Variants in COL28A1 observed in about 807,000 individuals in gnomAD.
COL28A1 encodes the protein collagen type XXVIII alpha 1 chain, also known as collagen alpha-1(XXVIII) chain.
Under a neutral mutation model 150.2 loss-of-function variants are expected in COL28A1, and 161 were observed. The observed-to-expected ratio is 1.07, with a 90% CI of 0.94 to 1.22. The LOEUF (loss-of-function observed/expected upper bound fraction) is 1.22, where lower values mean the gene tolerates loss of function less well. COL28A1 is among the 50% of genes most tolerant of loss of function. The pLI, the probability that COL28A1 is intolerant of heterozygous loss-of-function variation, is 0.00. For synonymous variants in COL28A1, 552 were observed against 469.7 expected, an observed-to-expected ratio of 1.18 and a Z score of -2.26; for missense variants, 1,617 against 1,388.3, an observed-to-expected ratio of 1.16 and a Z score of -2.62.
chr7:7,494,998 T>C (rs551999577), intron 11 of COL28A1, among the ~76,000 whole-genome samples: 2 of 152,216 alleles, frequency 1.3e-5, no homozygotes, highest in African/African-American at 4.8e-5. Flanking sequence ...CAGCAGCCCG[T>C]GAGCCCAACA....
chr7:7,477,696 G>A (rs764559687), intron 13 of COL28A1, among the ~76,000 whole-genome samples: 5 of 152,170 alleles, frequency 3.3e-5, no homozygotes, highest in Non-Finnish European at 5.9e-5. Flanking sequence ...AGCTCATATA[G>A]GCAGTGTGGA....
Position 7,373,506 on chromosome 7 carries a change from C to T in COL28A1, c.2400G>A (p.Val800=), listed in dbSNP as rs781492200. The T allele has an allele frequency of 1.9e-6, 3 of 1,613,822 alleles. No homozygotes were observed. In the South Asian group the frequency reaches 3.3e-5, roughly 18 times the overall value. The part of the protein sequence containing the change: ...PKCKETPLEL[V]FVIDSSESVG... ...CGCTTTCTGAGCTGTCGATCACAAA[C>T]ACCAGCTCTAGTGGAGTCTCTTTGC... Residue 800 remains valine (V), a synonymous_variant, in exon 32 of 35, where the codon GTG becomes GTA. Transcript: ENST00000399429. This position sits in a 1 kb window ranked among gnomAD's most constrained non-coding sequence, Gnocchi z 4.1.
chr7:7,391,855 C>A (rs1050849383), intron 27 of COL28A1, among the ~76,000 whole-genome samples: 1 of 137,258 alleles, frequency 7.3e-6, no homozygotes, highest in Non-Finnish European at 1.5e-5. Flanking sequence ...CCCTCCACCT[C>A]TTTATTTTGA....
chr7:7,524,410 C>T (rs1781909128), intron 3 of COL28A1, among the ~76,000 whole-genome samples, 161 bp from the exon 4 acceptor site: 1 of 152,124 alleles, frequency 6.6e-6, no homozygotes, highest in Non-Finnish European at 1.5e-5. Flanking sequence ...AGCCAACCAC[C>T]CAAGGAGCAG....
At chr7:7,375,710 T>C (rs1781503629) in intron 30 of COL28A1, among the ~76,000 whole-genome samples, 1 of 152,190 alleles carries the variant, frequency 6.6e-6, no homozygotes, top group South Asian at 2.1e-4. Context: ...GCTGAGACTT[T>C]TGGAATTCAA....
At chr7:7,342,064 G>A in the COL28A1 span, among the ~76,000 whole-genome samples, 3 of 152,088 alleles carry the variant, frequency 2.0e-5, no homozygotes, top group Admixed American at 6.5e-5. Context: ...TTTTGGCTCC[G>A]CCTATTTCTC....
At chr7:7,395,727 A>ATG (rs1427205203) in intron 27 of COL28A1, among the ~76,000 whole-genome samples, 1 of 152,254 alleles carries the variant, frequency 6.6e-6, no homozygotes, top group East Asian at 1.9e-4. Flanking sequence ...TCATGCAACC[A>ATG]TATCAAAAGT....
chr7:7,407,672 C>T (rs546415354), intron 27 of COL28A1, among the ~76,000 whole-genome samples: 22 of 151,388 alleles, frequency 1.5e-4, no homozygotes, highest in African/African-American at 5.3e-4. Context: ...AGACTTTTAC[C>T]AAAAAAAATT....
At chr7:7,362,887 G>T (rs1469365200) in intron 33 of COL28A1, among the ~76,000 whole-genome samples, 1 of 151,818 alleles carries the variant, frequency 6.6e-6, no homozygotes, top group Non-Finnish European at 1.5e-5. Context: ...ATAGAGATAG[G>T]GTCTCGCTGT....
chr7:7,414,339 A>C (rs746154368), intron 27 of COL28A1, among the ~76,000 whole-genome samples: 1 of 152,216 alleles, frequency 6.6e-6, no homozygotes, highest in Non-Finnish European at 1.5e-5. Flanking sequence ...CATGAACCTG[A>C]AAGTCCAAGG....
chr7:7,474,061 T>C (rs1160509229), intron 15 of COL28A1, among the ~76,000 whole-genome samples: 2 of 141,824 alleles, frequency 1.4e-5, no homozygotes, highest in Non-Finnish European at 3.0e-5. Flanking sequence ...ATACTCTATA[T>C]ATATATGGAA....
rs530441021 is a variant in COL28A1 at position 7,386,008 on chromosome 7, T to C, written c.2137-4396A>G. Among the ~76,000 whole-genome samples, 18 of 152,318 alleles carry C rather than the reference T, an allele frequency of 1.2e-4. No individual in the cohort carries two copies. The East Asian group carries it at 2.1e-3, about 18-fold the overall frequency. On this transcript the variant is annotated intron_variant, in intron 27 of 34. Coordinates refer to ENST00000399429, the MANE Select transcript of COL28A1 (RefSeq NM_001037763.3). Reference sequence around the variant, plus strand: ...GGAAAATGATAAACAATGATTTGAGTGTGGGTCAGAAACAACTGCAGGAAA... The same window carrying C: ...GGAAAATGATAAACAATGATTTGAGCGTGGGTCAGAAACAACTGCAGGAAA...
chr7:7,403,258 G>T (rs1231170066), intron 27 of COL28A1, among the ~76,000 whole-genome samples: 1 of 152,128 alleles, frequency 6.6e-6, no homozygotes, highest in African/African-American at 2.4e-5. Context: ...ACGGGGAAGT[G>T]AAAGACTTTC....
chr7:7,522,619 A>G (rs1781787322), intron 4 of COL28A1, among the ~76,000 whole-genome samples: 1 of 152,090 alleles, frequency 6.6e-6, no homozygotes, highest in South Asian at 2.1e-4. Flanking sequence ...ATGCTTCATC[A>G]CCAATGGTTT....
chr7:7,452,475 A>C, intron 17 of COL28A1, 88 bp from the exon 18 acceptor site: 1 of 1,480,724 alleles, frequency 6.8e-7, no homozygotes, highest in Non-Finnish European at 8.9e-7. Flanking sequence ...ATATCAACAA[A>C]GTAAAACAGT....
At chr7:7,525,439 C>T (rs1781970877) in intron 3 of COL28A1, among the ~76,000 whole-genome samples, 1 of 152,158 alleles carries the variant, frequency 6.6e-6, no homozygotes, top group Non-Finnish European at 1.5e-5. Flanking sequence ...TGGAAAGAAA[C>T]TAATCTATGT....
chr7:7,349,408 T>G, the COL28A1 span, among the ~76,000 whole-genome samples: 3 of 152,164 alleles, frequency 2.0e-5, no homozygotes, highest in East Asian at 5.8e-4. Context: ...GTTCTGTTAC[T>G]GGCTTTGGGT....
intron 30 of COL28A1, among the ~76,000 whole-genome samples, chr7:7,377,377 C>T (rs758125653): frequency 6.6e-6 from 1 of 152,084 alleles, no homozygotes; most frequent in Non-Finnish European, 1.5e-5. Flanking sequence ...GATTCACAGT[C>T]CAGGAAGAAG....
chr7:7,516,662 G>C (rs1781430335), intron 7 of COL28A1, among the ~76,000 whole-genome samples: 1 of 152,196 alleles, frequency 6.6e-6, no homozygotes, highest in Admixed American at 6.5e-5. Context: ...GAGAGCTGAA[G>C]AAACCTATTT....
Sources: gnomAD v4.1 joint callset for allele counts (sites outside exome capture counted in the v4.1 genomes callset) on GRCh38, gnomAD v4.1.1 for gene constraint, Gnocchi (gnomAD v3.1) non-coding constraint, MANE v1.5 for transcripts, NCBI Gene and HGNC (gene_info 2026-07-23, HGNC 2026-07-21) for gene names.